Variants in ZNF431 observed in about 807,000 individuals in gnomAD.
The protein encoded by ZNF431 is zinc finger protein 431.
A neutral mutation model predicts 57.0 loss-of-function variants in ZNF431; 34 were observed. That is an observed-to-expected ratio of 0.60 (90% confidence interval 0.45 to 0.79). The LOEUF (loss-of-function observed/expected upper bound fraction) is 0.79, where lower values mean the gene tolerates loss of function less well. Among genes scored for constraint, ZNF431 ranks in the 30% least tolerant of loss-of-function variants. The pLI, the probability that ZNF431 is intolerant of heterozygous loss-of-function variation, is 0.00. For missense variants in ZNF431, 607 were observed against 667.1 expected, an observed-to-expected ratio of 0.91 and a Z score of 0.99; for synonymous variants, 207 against 220.3, an observed-to-expected ratio of 0.94 and a Z score of 0.54.
chr19:21,159,914 T>G (rs543006604), intron 2 of ZNF431, among the ~76,000 whole-genome samples: 2 of 152,164 alleles, frequency 1.3e-5, no homozygotes, highest in Non-Finnish European at 2.9e-5. Context: ...GGATGTATCT[T>G]TGCTCCAAGG....
rs1971325940 is a variant in ZNF431, at chr19:21,184,976, T to A, written c.*942T>A. On this transcript the variant is annotated 3_prime_UTR_variant, in exon 5 of 5. Coordinates refer to ENST00000311048, the MANE Select transcript of ZNF431 (RefSeq NM_133473.4). ...GCAGTTGATCAAACTTTGTTCAACA[T>A]CAGGGAATTTATATTGAAAAATTGT... 1 of 152,202 alleles carries A rather than the reference T, an allele frequency of 6.6e-6. No homozygotes were observed. The highest frequency in any genetic ancestry group is 1.5e-5 in the Non-Finnish European group (1 of 68,028). 9.4% of individuals were successfully genotyped at this position (152,202 alleles called of 1,614,324 possible).
intron 4 of ZNF431, among the ~76,000 whole-genome samples, chr19:21,171,416 T>A (rs1425384806): frequency 1.3e-5 from 2 of 152,126 alleles, no homozygotes; most frequent in Non-Finnish European, 2.9e-5. Flanking sequence ...CAGCTTGTTG[T>A]GTTTTTTAGT....
chr19:21,178,362 G>A (rs1021557571), intron 4 of ZNF431, among the ~76,000 whole-genome samples: 1 of 152,076 alleles, frequency 6.6e-6, no homozygotes. Flanking sequence ...AATAGGAGTG[G>A]TGGGGAGAGG....
Position 21,175,472 on chromosome 19 carries a change from C to A in ZNF431, c.320-7151C>A, listed in dbSNP as rs533022361. On this transcript the variant is annotated intron_variant, in intron 4 of 4. Transcript: ENST00000311048. ...TTCCAGGATACATGTGCAGGATGTG[C>A]AGGTTTGTTACATAAGTAAATGTGT... is the stretch of plus-strand genomic sequence containing the variant. 3.4e-4 allele frequency: 233 copies of A among 694,922 alleles called. 2 individuals are homozygous for A. The highest frequency in any genetic ancestry group is 8.0e-4 in the South Asian group (53 of 66,270). The allele number at this position is 694,922 out of a possible 1,614,324, so 43.0% of individuals were successfully genotyped here. A position where few individuals can be genotyped will look rare whatever the true frequency, so the allele number is the denominator to read the frequency against.
At chr19:21,163,899 G>A (rs551606622) in intron 2 of ZNF431, among the ~76,000 whole-genome samples, 2 of 151,872 alleles carry the variant, frequency 1.3e-5, no homozygotes, top group African/African-American at 4.8e-5. Context: ...AGGATTACAC[G>A]GTGAAATCCT....
rs118166440 is a variant in ZNF431 at position 21,143,442 on chromosome 19, T to G, written c.4-109T>G. 2.3e-3 allele frequency: 2,010 copies of G among 858,332 alleles called. 40 individuals carry two copies. In the East Asian group the frequency reaches 0.044, roughly 19 times the overall value. The allele number at this position is 858,332 out of a possible 1,614,324, so 53.2% of individuals were successfully genotyped here. ...GTCCTCAGCCACCTTTTAGTTTTTT[T>G]CTGGTCGTGGGTTTCAGTGCTGTCT... On this transcript the variant is annotated intron_variant, in intron 1 of 4. Transcript: ENST00000311048.
At chr19:21,163,026 A>G (rs1970619335) in intron 2 of ZNF431, among the ~76,000 whole-genome samples, 1 of 152,242 alleles carries the variant, frequency 6.6e-6, no homozygotes, top group African/African-American at 2.4e-5. Flanking sequence ...AAACAGATGA[A>G]GAAATAAAAA....
At chr19:21,168,021 A>T (rs1970774199) in intron 4 of ZNF431, among the ~76,000 whole-genome samples, 1 of 152,074 alleles carries the variant, frequency 6.6e-6, no homozygotes, top group African/African-American at 2.4e-5. Context: ...ATTCTTTGTT[A>T]AATTATTTTT....
At chr19:21,160,963 A>G (rs1362075711) in intron 2 of ZNF431, among the ~76,000 whole-genome samples, 1 of 152,092 alleles carries the variant, frequency 6.6e-6, no homozygotes, top group Admixed American at 6.6e-5. Flanking sequence ...AGGTCAAAAC[A>G]TCAAGACTAT....
chr19:21,148,441 A>G (rs1229824440), intron 2 of ZNF431, among the ~76,000 whole-genome samples: 2 of 152,198 alleles, frequency 1.3e-5, no homozygotes, highest in Non-Finnish European at 2.9e-5. Flanking sequence ...TTTTATCTCA[A>G]TGTTCAATTT....
In ZNF431 at chr19:21,183,402, A is replaced by T. The variant is rs1971269429; in HGVS notation, c.1099A>T (p.Thr367Ser). The change falls in exon 5 of 5, where the codon ACT (threonine) becomes TCT (serine). Residue 367 changes from threonine (T) to serine (S), a missense_variant. Physicochemically the swap from Thr to Ser is moderately conservative, Grantham distance 58. Coordinates refer to ENST00000311048, the MANE Select transcript of ZNF431 (RefSeq NM_133473.4). ...CCTTACTAAACATAAGATAATTCAT[A>T]CTGGAGAAAAATCTTACAAATGTGA... ...SYLTKHKIIH[T>S]GEKSYKCEEC... 6.2e-7 allele frequency: 1 copy of T among 1,613,496 alleles called. No homozygotes were observed. The highest frequency in any genetic ancestry group is 1.3e-5 in the African/African-American group (1 of 74,908).
chr19:21,166,515 C>CT (rs1402564277), intron 3 of ZNF431, 54 bp downstream of exon 3: 4 of 1,522,776 alleles, frequency 2.6e-6, no homozygotes, highest in South Asian at 1.3e-5. Context: ...TTTCATGTCT[C>CT]TTTTTTTGTA....
Position 21,171,712 on chromosome 19 carries a change from ATTTTTT to A in ZNF431, c.319+4068_319+4073del, listed in dbSNP as rs550012306. 4.8e-3 allele frequency among the ~76,000 whole-genome samples: 439 copies of A among 90,870 alleles called. 1 individual carries two copies. The highest frequency in any genetic ancestry group is 0.01 in the African/African-American group (226 of 21,896). The allele number at this position is 90,870 out of a possible 152,430, so 59.6% of individuals were successfully genotyped here. The stretch of plus-strand genomic sequence containing the variant: ...TCTAATGATGAATATATATATATAT[ATTTTTT>A]TTTTTTTTTTTTTTTTTTTTTAGAC... On this transcript the variant is annotated intron_variant, in intron 4 of 4. Coordinates refer to ENST00000311048, the MANE Select transcript of ZNF431 (RefSeq NM_133473.4).
At chr19:21,152,946 C>T (rs1264973016) in intron 2 of ZNF431, among the ~76,000 whole-genome samples, 2 of 152,158 alleles carry the variant, frequency 1.3e-5, no homozygotes, top group Non-Finnish European at 2.9e-5. Context: ...AAAGTGATAG[C>T]AAGTTAATGA....
rs145997748 is a variant in ZNF431, at chr19:21,145,574, G to T, written c.96+1931G>T. Among the ~76,000 whole-genome samples, 386 of 152,276 alleles carry T rather than the reference G, an allele frequency of 2.5e-3. 2 individuals are homozygous for T. The highest frequency in any genetic ancestry group is 8.8e-3 in the African/African-American group (364 of 41,540). The stretch of plus-strand genomic sequence containing the variant: ...TCTGCTCAACCCAGCCATGGAAGAA[G>T]CCTTTCTGCTGACACAGCCCTGGAA... On this transcript the variant is annotated intron_variant, in intron 2 of 4. Coordinates refer to ENST00000311048, the MANE Select transcript of ZNF431 (RefSeq NM_133473.4).
chr19:21,151,503 G>A (rs1490091480), intron 2 of ZNF431, among the ~76,000 whole-genome samples: 2 of 152,212 alleles, frequency 1.3e-5, no homozygotes, highest in African/African-American at 2.4e-5. Context: ...TGGAGGGGAA[G>A]AGAATCAACA....
In ZNF431 at chr19:21,183,465, A is replaced by T; in HGVS notation, c.1162A>T (p.Thr388Ser). ...AGGCTTTAATTGGTCCTCAACCCTT[A>T]CTAAACATAAAAGAATTCATACTGG... The part of the protein sequence containing the change: ...GKGFNWSSTL[T>S]KHKRIHTGEK... Residue 388 changes from threonine to serine, a missense_variant, in exon 5 of 5, where the codon ACT becomes TCT. Thr to Ser is a moderately conservative substitution (Grantham distance 58). Transcript: ENST00000311048. The T allele has an allele frequency of 6.2e-7, 1 of 1,613,952 alleles. No individual in the cohort carries two copies. Among genetic ancestry groups the T allele is most frequent in the Non-Finnish European group, 8.5e-7 (1 of 1,179,958 alleles).
intron 4 of ZNF431, among the ~76,000 whole-genome samples, chr19:21,170,176 C>T (rs945154812): frequency 1.1e-4 from 17 of 152,184 alleles, no homozygotes; most frequent in Non-Finnish European, 2.1e-4. Flanking sequence ...CTTAAAGGCA[C>T]TTACTTTGGA....
At chr19:21,154,326 A>G (rs1970360638) in intron 2 of ZNF431, among the ~76,000 whole-genome samples, 1 of 152,156 alleles carries the variant, frequency 6.6e-6, no homozygotes, top group Non-Finnish European at 1.5e-5. Flanking sequence ...AACTTCATCC[A>G]TGTCCCTACA....
Sources: allele counts gnomAD v4.1 joint callset (sites outside exome capture counted in the v4.1 genomes callset), GRCh38; gene constraint gnomAD v4.1.1; transcripts MANE v1.5; gene names NCBI Gene and HGNC (gene_info 2026-07-23, HGNC 2026-07-21).